The following SAMSN1 variants were observed in gnomAD, a reference collection of about 807,000 sequenced individuals.
SAMSN1 encodes SAM domain-containing protein SAMSN-1.
SAMSN1 carries 31 observed loss-of-function variants against 42.0 expected under a neutral mutation model. That is an observed-to-expected ratio of 0.74 (90% CI 0.55 to 1.00). The LOEUF is 1.00. SAMSN1 is among the 50% of genes least tolerant of loss of function. The pLI is 0.00. For missense variants in SAMSN1, 464 were observed against 439.4 expected (o/e 1.06, Z -0.50); for synonymous variants, 178 against 151.9 (o/e 1.17, Z -1.26).
intron 2 of SAMSN1, among the ~76,000 whole-genome samples, chr21:14,642,755 A>G (rs1983625234): frequency 6.6e-6 from 1 of 152,212 alleles, no homozygotes; most frequent in Non-Finnish European, 1.5e-5. Flanking sequence ...ATTTATAGTC[A>G]TAAGGTTGCT....
chr21:14,518,111 T>C (rs915181281), intron 2 of SAMSN1, among the ~76,000 whole-genome samples: 12 of 152,390 alleles, frequency 7.9e-5, no homozygotes, highest in African/African-American at 2.9e-4. Context: ...GCTTTTGCCA[T>C]TGGCTTCCGC....
intron 2 of SAMSN1, among the ~76,000 whole-genome samples, chr21:14,566,544 A>C (rs1044787120): frequency 3.3e-5 from 5 of 151,364 alleles, no homozygotes; most frequent in Non-Finnish European, 7.4e-5. Context: ...ATATATATAA[A>C]ATTTTTTTTT....
intron 7 of SAMSN1, among the ~76,000 whole-genome samples, chr21:14,497,677 T>A (rs17306388): frequency 0.023 from 3,567 of 152,282 alleles, 99 homozygotes; most frequent in South Asian, 0.12. Context: ...TCTAAGTTCC[T>A]TTTTATCTTT....
At chr21:14,531,768 A>C (rs1979282645) in intron 1 of SAMSN1, among the ~76,000 whole-genome samples, 1 of 152,196 alleles carries the variant, frequency 6.6e-6, no homozygotes, top group South Asian at 2.1e-4. Flanking sequence ...AAGATGTAAA[A>C]ATTAAGTTGG....
Position 14,498,495 on chromosome 21 carries a change from G to A in SAMSN1, c.866C>T (p.Pro289Leu). ...TGATAGTAACCTTCTTCTGTCATCT[G>A]GGTTTTCAATATTTAATTCAATGAG... ...SHLIELNIENPDDRRRLLSAA... is the reference protein window; with the variant it reads ...SHLIELNIENLDDRRRLLSAA... The change falls in exon 7 of 8, where the codon CCA (proline) becomes CTA (leucine). Residue 289 changes from proline (P) to leucine (L), a missense_variant. Coordinates refer to ENST00000400566, the MANE Select transcript of SAMSN1 (RefSeq NM_022136.5). The A allele has an allele frequency of 1.2e-6, 2 of 1,611,384 alleles. No homozygotes were observed. The highest frequency in any genetic ancestry group is 2.2e-5 in the South Asian group (2 of 90,526).
At chr21:14,505,973 C>T (rs939985305) in intron 5 of SAMSN1, among the ~76,000 whole-genome samples, 4 of 151,748 alleles carry the variant, frequency 2.6e-5, no homozygotes, top group Non-Finnish European at 5.9e-5. Context: ...AATATATGAT[C>T]CCTGGGTGAA....
chr21:14,583,683 G>C, upstream of SAMSN1: 1 of 717,434 alleles, frequency 1.4e-6, no homozygotes, highest in Non-Finnish European at 2.6e-6. Context: ...ACCTCATCCA[G>C]ATTCTGCACT....
chr21:14,493,037 A>C lies in SAMSN1; in HGVS notation c.919+5405T>G, dbSNP rs553114582. Among the ~76,000 whole-genome samples the C allele has an allele frequency of 3.3e-5, 5 of 152,310 alleles. No individual in the cohort carries two copies. In the South Asian group the frequency reaches 1.0e-3, roughly 32 times the overall value. Reference sequence around the variant, plus strand: ...AACTGCTGGACTGCTGCTTGGCATAAATACAAATCTCCCCTGCTGACAGCT... The same window carrying C: ...AACTGCTGGACTGCTGCTTGGCATACATACAAATCTCCCCTGCTGACAGCT... On this transcript the variant is annotated intron_variant, in intron 7 of 7. Coordinates refer to ENST00000400566, the MANE Select transcript of SAMSN1 (RefSeq NM_022136.5).
intron 1 of SAMSN1, among the ~76,000 whole-genome samples, chr21:14,544,866 T>A (rs1256693259): frequency 6.6e-6 from 1 of 152,148 alleles, no homozygotes; most frequent in Admixed American, 6.5e-5. Context: ...TTGAGGTATA[T>A]CATTCTCCAT....
At chr21:14,521,881 A>C (rs2123042232) in intron 1 of SAMSN1, among the ~76,000 whole-genome samples, 1 of 149,066 alleles carries the variant, frequency 6.7e-6, no homozygotes, top group East Asian at 2.0e-4. Context: ...AAAAATGAAA[A>C]TAAAAGACCA....
chr21:14,495,323 A>G (rs924127162), intron 7 of SAMSN1, among the ~76,000 whole-genome samples: 2 of 152,240 alleles, frequency 1.3e-5, no homozygotes, highest in African/African-American at 4.8e-5. Flanking sequence ...GTATGGTGCC[A>G]AATCATCAGA....
rs1453929095 is a variant in SAMSN1 at position 14,645,910 on chromosome 21, A to G, written c.25-2777T>C. 4.6e-5 allele frequency among the ~76,000 whole-genome samples: 7 copies of G among 152,336 alleles called. No homozygotes were observed. In the East Asian group the frequency reaches 1.4e-3, roughly 29 times the overall value. The stretch of plus-strand genomic sequence containing the variant: ...GAGTCCTTTAATAGCAGAATGTATA[A>G]GCAGAAGAAAGAATTAGTGAGCCTA... On this transcript the variant is annotated intron_variant, in intron 1 of 15. Coordinates refer to the SAMSN1 transcript ENST00000647101.
At chr21:14,642,935 A>G (rs1983628865) in intron 2 of SAMSN1, 5 of 685,444 alleles carry the variant, frequency 7.3e-6, no homozygotes, top group African/African-American at 5.4e-5. Context: ...AATAAGTATC[A>G]TTAGGCAAGA....
At chr21:14,607,813 T>C (rs915506848) in intron 5 of SAMSN1, among the ~76,000 whole-genome samples, 1 of 152,074 alleles carries the variant, frequency 6.6e-6, no homozygotes. Context: ...TATGGAAAAA[T>C]TTACATCTAA....
intron 2 of SAMSN1, among the ~76,000 whole-genome samples, chr21:14,561,833 G>A (rs1980955644): frequency 1.3e-5 from 2 of 152,312 alleles, no homozygotes; most frequent in South Asian, 4.1e-4. Flanking sequence ...GGGAGAGACT[G>A]GCCATGTGAA....
chr21:14,564,219 T>C (rs183533418), intron 2 of SAMSN1, among the ~76,000 whole-genome samples: 3 of 152,198 alleles, frequency 2.0e-5, no homozygotes, highest in African/African-American at 7.2e-5. Context: ...AAGGGTTTTA[T>C]GGAGACGCCG....
At chr21:14,590,688 G>A (rs1008528364) in intron 7 of SAMSN1, among the ~76,000 whole-genome samples, 1 of 152,106 alleles carries the variant, frequency 6.6e-6, no homozygotes. Flanking sequence ...CTGGTAATTT[G>A]TTCTTAGCCA....
chr21:14,613,116 A>G (rs909636380), intron 3 of SAMSN1, among the ~76,000 whole-genome samples: 1 of 152,186 alleles, frequency 6.6e-6, no homozygotes, highest in East Asian at 1.9e-4. Flanking sequence ...GTAAATTTCT[A>G]TGCAATATGG....
chr21:14,542,997 T>C (rs768520540), intron 1 of SAMSN1, among the ~76,000 whole-genome samples: 1 of 152,176 alleles, frequency 6.6e-6, no homozygotes, highest in Non-Finnish European at 1.5e-5. Flanking sequence ...GTACCTTGCA[T>C]GTATGTTAAG....
Sources: gnomAD v4.1 joint callset for allele counts (sites outside exome capture counted in the v4.1 genomes callset) on GRCh38, gnomAD v4.1.1 for gene constraint, MANE v1.5 for transcripts, NCBI Gene and HGNC (gene_info 2026-07-23, HGNC 2026-07-21) for gene names.